The following RHBDD1 variants were observed in gnomAD, a reference collection of about 807,000 sequenced individuals.
RHBDD1 encodes the protein rhomboid-related protein 4.
Under a neutral mutation model 36.3 loss-of-function variants are expected in RHBDD1, and 38 were observed. The ratio of observed to expected loss-of-function variants is 1.05; its 90% CI spans 0.81 to 1.37. The LOEUF is 1.37. Ranked by LOEUF, RHBDD1 falls within the 40% of genes most tolerant of loss-of-function variation. RHBDD1 has a pLI of 0.00. For synonymous variants in RHBDD1, 151 were observed against 136.5 expected (o/e 1.11, Z -0.74); for missense variants, 393 against 377.6 (o/e 1.04, Z -0.34).
At chr2:226,808,790 T>C in the RHBDD1 span, among the ~76,000 whole-genome samples, 1 of 152,116 alleles carries the variant, frequency 6.6e-6, no homozygotes, top group Non-Finnish European at 1.5e-5. Flanking sequence ...ATGTATCCTA[T>C]TGATCAAAGT....
chr2:226,994,243 G>A (rs927066461), intron 8 of RHBDD1, among the ~76,000 whole-genome samples: 11 of 152,206 alleles, frequency 7.2e-5, no homozygotes, highest in Non-Finnish European at 2.9e-5. Flanking sequence ...TGTGTGTTCA[G>A]AACTGTCCCA....
intron 5 of RHBDD1, among the ~76,000 whole-genome samples, chr2:226,891,560 T>C (rs755316222): frequency 6.6e-6 from 1 of 152,176 alleles, no homozygotes; most frequent in Non-Finnish European, 1.5e-5. Flanking sequence ...TGAAAGTCTG[T>C]CTGCCCAGTT....
intron 5 of RHBDD1, among the ~76,000 whole-genome samples, chr2:226,892,176 CTGTT>C (rs1263321430): frequency 6.6e-6 from 1 of 152,230 alleles, no homozygotes; most frequent in African/African-American, 2.4e-5. Flanking sequence ...CATTTCTATG[CTGTT>C]TGTTTAACAT....
chr2:226,974,727 C>T (rs1954242960), intron 8 of RHBDD1, among the ~76,000 whole-genome samples: 1 of 152,110 alleles, frequency 6.6e-6, no homozygotes. Context: ...CTTTAGTGTC[C>T]CGCACCCAAG....
At chr2:226,948,289 T>C (rs965391143) in intron 8 of RHBDD1, among the ~76,000 whole-genome samples, 4 of 148,592 alleles carry the variant, frequency 2.7e-5, no homozygotes, top group Admixed American at 6.7e-5. Flanking sequence ...AAATTGGAAA[T>C]CATCATTCTC....
intron 5 of RHBDD1, among the ~76,000 whole-genome samples, chr2:226,896,674 T>C (rs1404076503): frequency 6.6e-6 from 1 of 152,192 alleles, no homozygotes; most frequent in Non-Finnish European, 1.5e-5. Context: ...TGGCCTTCCA[T>C]TGTACTTAGA....
chr2:226,836,747 CTCA>C (rs1941015386), intron 1 of RHBDD1, among the ~76,000 whole-genome samples: 1 of 152,292 alleles, frequency 6.6e-6, no homozygotes, highest in South Asian at 2.1e-4. Flanking sequence ...CTGCAGTACA[CTCA>C]GTGACTCCCA....
intron 3 of RHBDD1, among the ~76,000 whole-genome samples, chr2:226,863,866 A>G (rs1944079476): frequency 1.3e-5 from 2 of 152,134 alleles, no homozygotes; most frequent in African/African-American, 4.8e-5. Context: ...TCAACCCCAA[A>G]TCACCCTTGA....
At chr2:226,843,705 A>G (rs980057147) in intron 3 of RHBDD1, among the ~76,000 whole-genome samples, 13 of 152,198 alleles carry the variant, frequency 8.5e-5, no homozygotes, top group African/African-American at 3.1e-4. Context: ...CTTGAGGTTC[A>G]TCAAGGATAT....
At chr2:226,855,051 T>C (rs1049871564) in intron 3 of RHBDD1, among the ~76,000 whole-genome samples, 3 of 152,268 alleles carry the variant, frequency 2.0e-5, no homozygotes, top group Non-Finnish European at 4.4e-5. Context: ...ATATTTTGCC[T>C]ATACATGCCT....
chr2:226,813,940 G>A, the RHBDD1 span, among the ~76,000 whole-genome samples: 2 of 152,162 alleles, frequency 1.3e-5, no homozygotes, highest in Non-Finnish European at 2.9e-5. Flanking sequence ...TGGCCAGTTT[G>A]ACACTTCCTT....
At chr2:226,898,025 C>T (rs1947262280) in intron 5 of RHBDD1, among the ~76,000 whole-genome samples, 1 of 152,082 alleles carries the variant, frequency 6.6e-6, no homozygotes, top group African/African-American at 2.4e-5. Flanking sequence ...CAAAAACCAG[C>T]CCTGGCGGGA....
chr2:226,870,063 A>G (rs1473979136), intron 5 of RHBDD1, among the ~76,000 whole-genome samples: 2 of 152,192 alleles, frequency 1.3e-5, no homozygotes, highest in East Asian at 3.9e-4. Flanking sequence ...AAAGTGGAGA[A>G]TCATGAACAT....
the RHBDD1 span, among the ~76,000 whole-genome samples, chr2:226,805,519 T>C: frequency 6.6e-6 from 1 of 152,228 alleles, no homozygotes; most frequent in African/African-American, 2.4e-5. Flanking sequence ...AACCACTGTT[T>C]CTCATATTTG....
intron 8 of RHBDD1, among the ~76,000 whole-genome samples, chr2:226,922,420 G>C (rs1347464544): frequency 6.6e-6 from 1 of 151,784 alleles, no homozygotes; most frequent in Admixed American, 6.6e-5. Context: ...TGTTAGCCAG[G>C]ATGGTCTCGA....
intron 5 of RHBDD1, among the ~76,000 whole-genome samples, chr2:226,878,044 G>A (rs1336559461): frequency 6.6e-6 from 1 of 152,144 alleles, no homozygotes; most frequent in African/African-American, 2.4e-5. Context: ...ACCTCTGGAA[G>A]GGTCTTAGGG....
chr2:226,993,535 CA>C (rs1958729514), intron 8 of RHBDD1, among the ~76,000 whole-genome samples: 1 of 152,212 alleles, frequency 6.6e-6, no homozygotes, highest in African/African-American at 2.4e-5. Flanking sequence ...TATGTAATTT[CA>C]AAGCATTTAC....
At chr2:226,905,303 C>T (rs555561488) in intron 5 of RHBDD1, among the ~76,000 whole-genome samples, 10 of 152,086 alleles carry the variant, frequency 6.6e-5, no homozygotes, top group African/African-American at 2.4e-4. Context: ...TGGCTTCGTG[C>T]CAGAATAAGG....
At chr2:226,979,389 GCCC>G (rs1276387082) in intron 8 of RHBDD1, among the ~76,000 whole-genome samples, 4 of 152,088 alleles carry the variant, frequency 2.6e-5, no homozygotes, top group Non-Finnish European at 5.9e-5. Context: ...CTGTTAACAG[GCCC>G]CCATCTCACC....
Sources: gnomAD v4.1 joint callset for allele counts (sites outside exome capture counted in the v4.1 genomes callset) on GRCh38, gnomAD v4.1.1 for gene constraint, MANE v1.5 for transcripts, NCBI Gene and HGNC (gene_info 2026-07-23, HGNC 2026-07-21) for gene names.